The following FSD1L variants were observed in gnomAD, a reference collection of about 807,000 sequenced individuals.
FSD1L encodes FSD1-like protein.
Under a neutral mutation model 71.6 loss-of-function variants are expected in FSD1L, and 45 were observed. The observed-to-expected ratio is 0.63, with a 90% CI of 0.49 to 0.81. The LOEUF (loss-of-function observed/expected upper bound fraction) is 0.81. FSD1L is among the 30% of genes least tolerant of loss of function. FSD1L has a pLI of 0.00. For synonymous variants in FSD1L, 197 were observed against 207.2 expected, an observed-to-expected ratio of 0.95 and a Z score of 0.42; for missense variants, 561 against 618.1, an observed-to-expected ratio of 0.91 and a Z score of 0.98.
At chr9:105,522,490 C>T (rs1835235103) in intron 10 of FSD1L, 3 of 1,613,706 alleles carry the variant, frequency 1.9e-6, no homozygotes, top group Non-Finnish European at 2.5e-6. Context: ...ACCGAAAAGG[C>T]GAGGAGTATA....
intron 8 of FSD1L, among the ~76,000 whole-genome samples, chr9:105,508,412 T>C (rs149782974): frequency 0.025 from 3,784 of 150,538 alleles, 177 homozygotes; most frequent in African/African-American, 0.088. Context: ...CTCCTGACCT[T>C]GTGATCCGCC....
chr9:105,461,299 G>C (rs1212826556), intron 1 of FSD1L, among the ~76,000 whole-genome samples: 1 of 152,026 alleles, frequency 6.6e-6, no homozygotes, highest in Non-Finnish European at 1.5e-5. Context: ...AATGTGGCCA[G>C]TTTGAATTGA....
intron 1 of FSD1L, among the ~76,000 whole-genome samples, chr9:105,450,534 C>CTTTTTTTTTTTTTTTTTTTTTTTT (rs35115121): frequency 5.1e-5 from 7 of 137,934 alleles, no homozygotes; most frequent in South Asian, 2.3e-4. Flanking sequence ...GGATTGTGTT[C>CTTTTTTTTTTTTTTTTTTTTTTTT]TTTTTTTTTT....
At chr9:105,443,374 G>A (rs572144190), upstream of FSD1L, among the ~76,000 whole-genome samples, 28 of 152,062 alleles carry the variant, frequency 1.8e-4, no homozygotes, top group Admixed American at 1.2e-3. Context: ...ATCAGCTCTC[G>A]TGAGGCTTAT....
chr9:105,479,390 C>A lies in FSD1L; in HGVS notation c.464+14C>A. On this transcript the variant is annotated intron_variant, in intron 6 of 13. Transcript: ENST00000481272. ...GATCAAGGATAGGTATGGTATAAAA[C>A]ACATTTTTACTTAAGTATAAATATT... 1 of 1,537,624 alleles carries A rather than the reference C, an allele frequency of 6.5e-7. No individual in the cohort carries two copies. The highest frequency in any genetic ancestry group is 8.8e-7 in the Non-Finnish European group (1 of 1,136,992).
chr9:105,542,028 A>T (rs1836655651), intron 13 of FSD1L, among the ~76,000 whole-genome samples: 1 of 152,246 alleles, frequency 6.6e-6, no homozygotes, highest in Admixed American at 6.5e-5. Context: ...ACCAGTTGAA[A>T]GACACTTGGG....
chr9:105,520,414 A>G (rs1255089640), intron 10 of FSD1L: 2 of 1,095,324 alleles, frequency 1.8e-6, no homozygotes, highest in Non-Finnish European at 2.8e-6. Context: ...TTTTTTACAT[A>G]TATACTATGT....
At position 105,547,021 on chromosome 9, in the gene FSD1L, A is replaced by C. The variant is rs1837044622; in HGVS notation, c.*538A>C. ...TCCTCTTTTATAAATAAGTTTTACA[A>C]AATTTTCCTCTTTTGTTTATTGACT... On this transcript the variant is annotated 3_prime_UTR_variant, in exon 14 of 14. Transcript: ENST00000481272. 6.6e-6 allele frequency: 1 copy of C among 152,038 alleles called. No homozygotes were observed. The highest frequency in any genetic ancestry group is 1.5e-5 in the Non-Finnish European group (1 of 67,980). The allele number at this position is 152,038 out of a possible 1,614,324, so 9.4% of individuals were successfully genotyped here.
chr9:105,498,507 GTATC>G (rs1408884596), intron 7 of FSD1L, among the ~76,000 whole-genome samples: 1 of 151,946 alleles, frequency 6.6e-6, no homozygotes, highest in Non-Finnish European at 1.5e-5. Context: ...AATAATTTGT[GTATC>G]TAAACATATC....
chr9:105,448,067 G>C lies in FSD1L; in HGVS notation c.-154G>C. 1.2e-6 allele frequency: 1 copy of C among 821,686 alleles called. No homozygotes were observed. Among genetic ancestry groups the C allele is most frequent in the South Asian group, 1.5e-5 (1 of 66,236 alleles). 50.9% of individuals were successfully genotyped at this position (821,686 alleles called of 1,614,324 possible). On this transcript the variant is annotated 5_prime_UTR_variant, in exon 1 of 14. Coordinates refer to ENST00000481272, the MANE Select transcript of FSD1L (RefSeq NM_001145313.3). ...CTGGCAACCGCGGCGTGACTACGGC[G>C]CGCGCGGTCTGGGCGCGGACGGGTG...
rs994040693 is a variant in FSD1L, at chr9:105,458,439, T to C, written c.16-3081T>C. ...TGCGTCCAGGAAGAATGAGGTTGCA[T>C]GGACAACTGGATGGTGAGCAAGGCA... On this transcript the variant is annotated intron_variant, in intron 1 of 13. Transcript: ENST00000481272. Among the ~76,000 whole-genome samples the C allele has an allele frequency of 1.3e-5, 2 of 152,150 alleles. 1 individual carries two copies. The highest frequency in any genetic ancestry group is 4.1e-4 in the South Asian group (2 of 4,830).
At chr9:105,467,242 TAA>T (rs1239271424) in intron 3 of FSD1L, among the ~76,000 whole-genome samples, 6 of 152,194 alleles carry the variant, frequency 3.9e-5, no homozygotes, top group African/African-American at 1.4e-4. Context: ...CTAGTTTTTA[TAA>T]ACATTATAAG....
chr9:105,530,864 A>G (rs1355543841), intron 10 of FSD1L: 3 of 362,828 alleles, frequency 8.3e-6, no homozygotes, highest in East Asian at 1.1e-4. Context: ...ATAGTATCAC[A>G]TACTCTACTC....
intron 4 of FSD1L, among the ~76,000 whole-genome samples, chr9:105,470,663 C>G (rs2131640103): frequency 6.6e-6 from 1 of 152,130 alleles, no homozygotes; most frequent in South Asian, 2.1e-4. Flanking sequence ...ATCTTACATA[C>G]ACACCATAAA....
chr9:105,456,826 G>C (rs1309585693), intron 1 of FSD1L, among the ~76,000 whole-genome samples: 1 of 152,192 alleles, frequency 6.6e-6, no homozygotes, highest in Non-Finnish European at 1.5e-5. Flanking sequence ...CTTCAGACCT[G>C]TGTCACCTAG....
Position 105,512,812 on chromosome 9 carries a change from A to G in FSD1L, c.901A>G (p.Asn301Asp). The G allele has an allele frequency of 6.7e-7, 1 of 1,489,400 alleles. No individual in the cohort carries two copies. Among genetic ancestry groups the G allele is most frequent in the Non-Finnish European group, 9.0e-7 (1 of 1,110,382 alleles). The allele number at this position is 1,489,400 out of a possible 1,614,324, so 92.3% of individuals were successfully genotyped here. The stretch of plus-strand genomic sequence containing the variant: ...TTAAATATTATCTTGAATAGCACTT[A>G]ACTTCAATTTGGATAACTCCTCATC... ...DPVTLETKAL[N>D]FNLDNSSSHL... The change falls in exon 10 of 14, where the codon AAC becomes GAC. Residue 301 changes from asparagine to aspartate, a missense_variant. This residue lies in a region of FSD1L where 410 missense variants were observed against 413.5 expected (regional missense o/e 0.99). Transcript: ENST00000481272.
At chr9:105,523,207 GTTCAGAAAGTGC>G in intron 10 of FSD1L, 2 of 1,613,178 alleles carry the variant, frequency 1.2e-6, no homozygotes, top group Non-Finnish European at 1.7e-6. Context: ...ACTATTACTG[GTTCAGAAAGTGC>G]TTCCCCAGTC....
chr9:105,519,122 A>G (rs535871562), intron 10 of FSD1L, among the ~76,000 whole-genome samples: 79 of 152,360 alleles, frequency 5.2e-4, no homozygotes, highest in African/African-American at 1.8e-3. Context: ...CGAATCCCTG[A>G]ATAGACCAAT....
At chr9:105,531,163 A>G (rs1291841749) in intron 10 of FSD1L, among the ~76,000 whole-genome samples, 2 of 152,212 alleles carry the variant, frequency 1.3e-5, no homozygotes, top group African/African-American at 2.4e-5. Context: ...TAATTTAAAA[A>G]CCAGACATGT....
Sources: gnomAD v4.1 joint callset for allele counts (sites outside exome capture counted in the v4.1 genomes callset) on GRCh38, gnomAD v4.1.1 for gene constraint, gnomAD v4.1.1 regional missense constraint, MANE v1.5 for transcripts, NCBI Gene and HGNC (gene_info 2026-07-23, HGNC 2026-07-21) for gene names.